LCLAT1: variants seen among roughly 807,000 people sequenced by gnomAD.
The protein encoded by LCLAT1 is 1-AGP acyltransferase 8.
LCLAT1 carries 11 observed loss-of-function variants against 30.7 expected under a neutral mutation model. The observed-to-expected ratio is 0.36, with a 90% CI of 0.23 to 0.59. The LOEUF (loss-of-function observed/expected upper bound fraction) is 0.59, where lower values mean the gene tolerates loss of function less well. Ranked by LOEUF, LCLAT1 falls within the 20% of genes least tolerant of loss-of-function variation. The pLI is 0.77. For synonymous variants in LCLAT1, 155 were observed against 151.3 expected, an observed-to-expected ratio of 1.02 and a Z score of -0.18; for missense variants, 402 against 458.6, an observed-to-expected ratio of 0.88 and a Z score of 1.13.
intron 4 of LCLAT1, among the ~76,000 whole-genome samples, chr2:30,566,476 C>T (rs56145136): frequency 2.6e-5 from 4 of 152,030 alleles, no homozygotes; most frequent in Non-Finnish European, 5.9e-5. Context: ...TTGACTTGCC[C>T]GGCTCAATTC....
Position 30,477,570 on chromosome 2 carries a change from A to G in LCLAT1, c.-5+30187A>G, listed in dbSNP as rs1226743275. Among the ~76,000 whole-genome samples the G allele has an allele frequency of 3.3e-5, 5 of 152,168 alleles. No individual in the cohort carries two copies. The East Asian group carries it at 5.8e-4, about 18-fold the overall frequency. On this transcript the variant is annotated intron_variant, in intron 1 of 5. Coordinates refer to ENST00000379509, the MANE Select transcript of LCLAT1 (RefSeq NM_001002257.3). ...AACTAAGTCACAGATTGTGACCCTA[A>G]TGGCCTGAGCACCCCTTAGGCTTCA...
intron 5 of LCLAT1, among the ~76,000 whole-genome samples, chr2:30,601,308 G>A (rs549492200): frequency 2.0e-5 from 3 of 152,118 alleles, no homozygotes; most frequent in Non-Finnish European, 4.4e-5. Context: ...CAAATAATCT[G>A]TATAGTTTTG....
intron 5 of LCLAT1, among the ~76,000 whole-genome samples, chr2:30,583,855 T>G (rs1168390697): frequency 6.6e-6 from 1 of 152,120 alleles, no homozygotes; most frequent in Non-Finnish European, 1.5e-5. Context: ...TTTTTCATGT[T>G]GAATTAGGTG....
chr2:30,577,429 T>A (rs542845532), intron 5 of LCLAT1, among the ~76,000 whole-genome samples: 54 of 152,116 alleles, frequency 3.5e-4, no homozygotes, highest in Non-Finnish European at 6.5e-4. Context: ...TTATCCTACT[T>A]GGTAAGATTA....
At chr2:30,476,308 A>G (rs933581910) in intron 1 of LCLAT1, 3 of 446,630 alleles carry the variant, frequency 6.7e-6, no homozygotes, top group Admixed American at 4.7e-5. Flanking sequence ...AGGGTCACAC[A>G]GTAAGTGTTG....
chr2:30,529,547 C>T (rs1199748927), intron 2 of LCLAT1, among the ~76,000 whole-genome samples: 1 of 152,138 alleles, frequency 6.6e-6, no homozygotes, highest in Non-Finnish European at 1.5e-5. Flanking sequence ...TTTTGCTTCT[C>T]AAAATTCTAA....
chr2:30,543,743 TC>T (rs746520793), intron 3 of LCLAT1, among the ~76,000 whole-genome samples: 57 of 152,158 alleles, frequency 3.7e-4, no homozygotes, highest in Non-Finnish European at 6.3e-4. Context: ...CTGTGGTTAA[TC>T]CCTTCTTTTA....
intron 5 of LCLAT1, among the ~76,000 whole-genome samples, chr2:30,595,793 C>T (rs952565198): frequency 3.9e-5 from 6 of 152,140 alleles, no homozygotes; most frequent in Admixed American, 3.9e-4. Flanking sequence ...CTTTCCCCCA[C>T]TCCCACCCAC....
intron 4 of LCLAT1, among the ~76,000 whole-genome samples, chr2:30,562,656 C>T (rs1205650644): frequency 2.0e-5 from 3 of 152,108 alleles, no homozygotes; most frequent in Admixed American, 2.0e-4. Flanking sequence ...TTCATACTTG[C>T]CATCTTTGAA....
chr2:30,595,795 C>T (rs982680243), intron 5 of LCLAT1, among the ~76,000 whole-genome samples: 3 of 152,150 alleles, frequency 2.0e-5, no homozygotes, highest in Admixed American at 6.6e-5. Context: ...TTCCCCCACT[C>T]CCACCCACGG....
intron 5 of LCLAT1, among the ~76,000 whole-genome samples, chr2:30,628,737 C>G (rs1377260169): frequency 6.6e-6 from 1 of 152,006 alleles, no homozygotes; most frequent in South Asian, 2.1e-4. Context: ...AGTTGTTTTG[C>G]TTGAAAAACT....
chr2:30,640,933 A>T lies in LCLAT1; in HGVS notation c.*314A>T, dbSNP rs979407540. ...ACATTTTTCTTAAAGGCCCAATCCT[A>T]ACAGACTCCCCGTACCAGAGGCAGA... On this transcript the variant is annotated 3_prime_UTR_variant, in exon 6 of 6. Coordinates refer to ENST00000379509, the MANE Select transcript of LCLAT1 (RefSeq NM_001002257.3). The T allele has an allele frequency of 3.5e-6, 1 of 284,952 alleles. No individual in the cohort carries two copies. The highest frequency in any genetic ancestry group is 2.3e-5 in the African/African-American group (1 of 43,618). 17.7% of individuals were successfully genotyped at this position (284,952 alleles called of 1,614,324 possible).
At chr2:30,459,769 C>T (rs1465354622) in intron 1 of LCLAT1, 4 of 1,263,812 alleles carry the variant, frequency 3.2e-6, no homozygotes, top group Non-Finnish European at 4.6e-6. Context: ...TGTCTTGCTT[C>T]ATATATCTGA....
intron 2 of LCLAT1, among the ~76,000 whole-genome samples, chr2:30,529,694 C>G (rs538328525): frequency 3.3e-5 from 5 of 152,156 alleles, no homozygotes; most frequent in Non-Finnish European, 7.3e-5. Context: ...CCACAGCCTT[C>G]TGATACCATT....
chr2:30,626,862 T>C (rs1420143378), intron 5 of LCLAT1, among the ~76,000 whole-genome samples: 11 of 152,148 alleles, frequency 7.2e-5, no homozygotes, highest in Admixed American at 6.5e-4. Context: ...CTTTTGATTT[T>C]ATCTTTTATC....
intron 4 of LCLAT1, among the ~76,000 whole-genome samples, chr2:30,565,640 T>G (rs1332839407): frequency 6.6e-6 from 1 of 152,214 alleles, no homozygotes; most frequent in Non-Finnish European, 1.5e-5. Flanking sequence ...CTTATTCTTT[T>G]TAATACATAT....
chr2:30,571,903 T>A (rs2148455126), intron 5 of LCLAT1, among the ~76,000 whole-genome samples: 1 of 152,314 alleles, frequency 6.6e-6, no homozygotes, highest in Middle Eastern at 3.4e-3. Flanking sequence ...GACTTTCTTT[T>A]GAGGCCATTT....
At chr2:30,601,731 T>C (rs1667193935) in intron 5 of LCLAT1, among the ~76,000 whole-genome samples, 1 of 150,058 alleles carries the variant, frequency 6.7e-6, no homozygotes, top group African/African-American at 2.5e-5. Context: ...CTTTCTTTAA[T>C]GCAATGCCAG....
At position 30,641,927 on chromosome 2, in the gene LCLAT1, A is replaced by G. The variant is rs771354649; in HGVS notation, c.*1308A>G. On this transcript the variant is annotated 3_prime_UTR_variant, in exon 6 of 6. Coordinates refer to ENST00000379509, the MANE Select transcript of LCLAT1 (RefSeq NM_001002257.3). ...TTTTTTCTTTTTTTTTTTGTCGTGTAAGAAGGATGCTGGTCAGAGCTGCAG... is the reference window on the plus strand; with the variant it reads ...TTTTTTCTTTTTTTTTTTGTCGTGTGAGAAGGATGCTGGTCAGAGCTGCAG... The G allele has an allele frequency of 7.3e-6, 1 of 137,602 alleles. No homozygotes were observed. Among genetic ancestry groups the G allele is most frequent in the Non-Finnish European group, 1.5e-5 (1 of 65,168 alleles). 8.5% of individuals were successfully genotyped at this position (137,602 alleles called of 1,614,324 possible).
Sources: allele counts gnomAD v4.1 joint callset (sites outside exome capture counted in the v4.1 genomes callset), GRCh38; gene constraint gnomAD v4.1.1; transcripts MANE v1.5; gene names NCBI Gene and HGNC (gene_info 2026-07-23, HGNC 2026-07-21).